The following FGF14 variants were observed in gnomAD, a reference collection of about 807,000 sequenced individuals.
FGF14 encodes the protein fibroblast growth factor 14.
FGF14 carries 5 observed loss-of-function variants against 25.5 expected under a neutral mutation model. That is an observed-to-expected ratio of 0.20 (90% CI 0.10 to 0.41). The LOEUF (loss-of-function observed/expected upper bound fraction) is 0.41. Ranked by LOEUF, FGF14 falls within the 10% of genes least tolerant of loss-of-function variation. The pLI is 1.00. For synonymous variants in FGF14, 138 were observed against 118.3 expected, an observed-to-expected ratio of 1.17 and a Z score of -1.08; for missense variants, 222 against 320.1, an observed-to-expected ratio of 0.69 and a Z score of 2.34.
chr13:101,916,224 C>A (rs1229726903), intron 1 of FGF14, among the ~76,000 whole-genome samples: 1 of 152,250 alleles, frequency 6.6e-6, no homozygotes, highest in Non-Finnish European at 1.5e-5. Context: ...CAGGAGCCGC[C>A]GGCGAGGAGC....
chr13:101,894,788 C>T (rs1481208739), intron 1 of FGF14, among the ~76,000 whole-genome samples: 2 of 152,078 alleles, frequency 1.3e-5, no homozygotes, highest in Admixed American at 6.6e-5. Flanking sequence ...TACTTAGTAG[C>T]AATGGTGTCA....
At chr13:102,300,891 G>T (rs545707623) in intron 1 of FGF14, among the ~76,000 whole-genome samples, 1 of 148,894 alleles carries the variant, frequency 6.7e-6, no homozygotes, top group Non-Finnish European at 1.5e-5. Flanking sequence ...TTTTCCTGAC[G>T]CCCCAAAGTC....
At chr13:101,797,271 G>A (rs991567327) in intron 3 of FGF14, among the ~76,000 whole-genome samples, 1 of 152,014 alleles carries the variant, frequency 6.6e-6, no homozygotes, top group African/African-American at 2.4e-5. Flanking sequence ...GGAGTATACG[G>A]GTTAAGTTTA....
chr13:102,310,818 G>A (rs1420040704), intron 1 of FGF14, among the ~76,000 whole-genome samples: 1 of 151,628 alleles, frequency 6.6e-6, no homozygotes, highest in Non-Finnish European at 1.5e-5. Context: ...GAAGTCCCTG[G>A]TCTCAGGAGT....
chr13:101,956,254 T>TTAGA (rs138456044), intron 1 of FGF14, among the ~76,000 whole-genome samples: 2,501 of 152,288 alleles, frequency 0.016, 77 homozygotes, highest in African/African-American at 0.058. Flanking sequence ...ATATTAAACT[T>TTAGA]TAGATAGATA....
intron 1 of FGF14, among the ~76,000 whole-genome samples, chr13:101,908,076 G>A (rs2032469267): frequency 6.6e-6 from 1 of 152,138 alleles, no homozygotes; most frequent in South Asian, 2.1e-4. Context: ...AAATGGGAGA[G>A]GAGACATAAG....
At chr13:102,069,112 A>G (rs1268327692) in intron 1 of FGF14, among the ~76,000 whole-genome samples, 1 of 148,848 alleles carries the variant, frequency 6.7e-6, no homozygotes, top group Non-Finnish European at 1.5e-5. Flanking sequence ...AAATACACCA[A>G]TCGGCACTTT....
chr13:102,333,320 G>A (rs781255815), intron 1 of FGF14, among the ~76,000 whole-genome samples: 2 of 152,152 alleles, frequency 1.3e-5, no homozygotes, highest in Non-Finnish European at 2.9e-5. Flanking sequence ...GTGTGTCTGT[G>A]AGAATATGAG....
chr13:102,034,749 GA>G (rs2041386207), intron 1 of FGF14, among the ~76,000 whole-genome samples: 1 of 152,078 alleles, frequency 6.6e-6, no homozygotes, highest in Non-Finnish European at 1.5e-5. Context: ...CCCTCACAGG[GA>G]TGTTGGTGGC....
intron 1 of FGF14, among the ~76,000 whole-genome samples, chr13:102,161,604 G>C (rs1270593561): frequency 1.7e-3 from 4 of 2,376 alleles, no homozygotes; most frequent in African/African-American, 0.011. Flanking sequence ...AGAAGAAGAA[G>C]AAGAAGAAGA....
chr13:101,779,777 G>A (rs1384756351), intron 3 of FGF14, among the ~76,000 whole-genome samples: 1 of 152,072 alleles, frequency 6.6e-6, no homozygotes, highest in African/African-American at 2.4e-5. Flanking sequence ...GTGTCCTAAT[G>A]GTAACATGAT....
intron 1 of FGF14, among the ~76,000 whole-genome samples, chr13:102,088,281 G>A (rs1182173796): frequency 6.6e-6 from 1 of 152,078 alleles, no homozygotes; most frequent in Non-Finnish European, 1.5e-5. Context: ...GTTTAATGAA[G>A]GCCACTTTAA....
rs1019543944 is a variant in FGF14, at chr13:101,722,642, G to A, written c.*189C>T. 2.9e-6 allele frequency: 2 copies of A among 698,894 alleles called. No homozygotes were observed. The highest frequency in any genetic ancestry group is 4.9e-6 in the Non-Finnish European group (2 of 410,720). The allele number at this position is 698,894 out of a possible 1,614,324, so 43.3% of individuals were successfully genotyped here. ...TCTGAGTTTAGCTGGTTATCCAGGT[G>A]TCTTCTTGTTGTGGGGGGTGCAACA... On this transcript the variant is annotated 3_prime_UTR_variant, in exon 5 of 5. Transcript: ENST00000376143.
chr13:101,919,226 G>C (rs1449913974), upstream of FGF14, among the ~76,000 whole-genome samples: 1 of 152,036 alleles, frequency 6.6e-6, no homozygotes, highest in African/African-American at 2.4e-5. Context: ...TTGAAGAAAC[G>C]CCATTTGTAC....
At chr13:102,128,875 G>A (rs2046062103) in intron 1 of FGF14, among the ~76,000 whole-genome samples, 1 of 152,112 alleles carries the variant, frequency 6.6e-6, no homozygotes, top group African/African-American at 2.4e-5. Context: ...TTGAGGTCAG[G>A]AGTTCGAGAC....
rs1049519325 is a variant in FGF14 at position 102,073,219 on chromosome 13, T to A, written c.209-197923A>T. On this transcript the variant is annotated intron_variant, in intron 1 of 4. Coordinates refer to the FGF14 transcript ENST00000376131. ...ATGAGCTGAGATCATGCCACTGCAC[T>A]CCAGTCTGGGTGACAGAGCAAAGCT... is the stretch of plus-strand genomic sequence containing the variant. Among the ~76,000 whole-genome samples, 7 of 152,176 alleles carry A rather than the reference T, an allele frequency of 4.6e-5. No homozygotes were observed. The East Asian group carries it at 1.3e-3, about 29-fold the overall frequency.
intron 1 of FGF14, among the ~76,000 whole-genome samples, chr13:102,248,152 A>G (rs918462819): frequency 2.0e-5 from 3 of 152,128 alleles, no homozygotes; most frequent in African/African-American, 7.2e-5. Context: ...TAGGCTTAGT[A>G]GCTGGTGTGA....
At chr13:101,810,715 C>A (rs1248730062) in intron 3 of FGF14, among the ~76,000 whole-genome samples, 1 of 152,174 alleles carries the variant, frequency 6.6e-6, no homozygotes, top group Non-Finnish European at 1.5e-5. Context: ...GGAGCTCTTT[C>A]TTTAGGCTGA....
intron 1 of FGF14, among the ~76,000 whole-genome samples, chr13:102,009,029 T>A (rs891680080): frequency 8.5e-5 from 13 of 152,222 alleles, no homozygotes; most frequent in Middle Eastern, 3.4e-3. Flanking sequence ...ATAAAAAAAA[T>A]TTCTCCTTTA....
Sources: gnomAD v4.1 joint callset for allele counts (sites outside exome capture counted in the v4.1 genomes callset) on GRCh38, gnomAD v4.1.1 for gene constraint, MANE v1.5 for transcripts, NCBI Gene and HGNC (gene_info 2026-07-23, HGNC 2026-07-21) for gene names.